Variants in KIAA1217 observed in about 807,000 individuals in gnomAD.
The protein encoded by KIAA1217 is KIAA1217, also known as sickle tail protein homolog.
A neutral mutation model predicts 163.9 loss-of-function variants in KIAA1217; 88 were observed. That is an observed-to-expected ratio of 0.54 (90% CI 0.45 to 0.64). The LOEUF (loss-of-function observed/expected upper bound fraction) is 0.64. Among genes scored for constraint, KIAA1217 ranks in the 30% least tolerant of loss-of-function variants. The pLI, the probability that KIAA1217 is intolerant of heterozygous loss-of-function variation, is 0.00. For missense variants in KIAA1217, 2,372 were observed against 2,475.0 expected (o/e 0.96, Z 0.88); for synonymous variants, 903 against 923.1 (o/e 0.98, Z 0.39).
At chr10:24,047,821 G>T (rs1457116911) in intron 2 of KIAA1217, among the ~76,000 whole-genome samples, 3 of 152,180 alleles carry the variant, frequency 2.0e-5, no homozygotes, top group African/African-American at 7.2e-5. Context: ...TCTGGACCCT[G>T]CTGATGACTG....
intron 2 of KIAA1217, among the ~76,000 whole-genome samples, chr10:24,246,450 C>G (rs2073815125): frequency 6.6e-6 from 1 of 152,142 alleles, no homozygotes; most frequent in Non-Finnish European, 1.5e-5. Context: ...ATTGCCCAAA[C>G]TTTTTCTCAA....
At chr10:23,838,964 C>A (rs1411513885) in intron 1 of KIAA1217, among the ~76,000 whole-genome samples, 1 of 152,012 alleles carries the variant, frequency 6.6e-6, no homozygotes, top group Non-Finnish European at 1.5e-5. Context: ...GATTTTTTCC[C>A]TTTCATATTT....
chr10:23,967,420 T>C (rs1025705488), intron 1 of KIAA1217, among the ~76,000 whole-genome samples: 4 of 152,182 alleles, frequency 2.6e-5, no homozygotes, highest in African/African-American at 9.6e-5. Context: ...AGGAAAAGCA[T>C]GAATTTCTTC....
At chr10:24,028,956 C>A (rs1848079088) in intron 2 of KIAA1217, among the ~76,000 whole-genome samples, 1 of 152,104 alleles carries the variant, frequency 6.6e-6, no homozygotes, top group African/African-American at 2.4e-5. Context: ...AGAAAGCAGG[C>A]TTTCAATGGG....
chr10:24,527,827 T>C, intron 13 of KIAA1217, 109 bp from the exon 14 acceptor site: 1 of 784,542 alleles, frequency 1.3e-6, no homozygotes. Flanking sequence ...ATTAGTTATT[T>C]TTCCTGATCC....
intron 2 of KIAA1217, among the ~76,000 whole-genome samples, chr10:24,323,051 G>A (rs1184962761): frequency 6.6e-6 from 1 of 151,990 alleles, no homozygotes; most frequent in African/African-American, 2.4e-5. Context: ...CCTGGGCTCA[G>A]CAATCTTCCC....
intron 2 of KIAA1217, among the ~76,000 whole-genome samples, chr10:24,303,915 A>C (rs897930413): frequency 6.6e-6 from 1 of 152,208 alleles, no homozygotes; most frequent in Non-Finnish European, 1.5e-5. Context: ...AAAGCAGAAA[A>C]AAAGACCATT....
intron 2 of KIAA1217, among the ~76,000 whole-genome samples, chr10:24,075,164 A>C (rs1017835627): frequency 2.3e-4 from 31 of 134,858 alleles, no homozygotes; most frequent in Non-Finnish European, 3.8e-4. Flanking sequence ...ACACACACAC[A>C]CCCCTTCCTC....
chr10:23,921,024 T>C (rs10764433), intron 1 of KIAA1217, among the ~76,000 whole-genome samples: 66,599 of 152,092 alleles, frequency 0.44, 18,180 homozygotes, highest in African/African-American at 0.78. Context: ...CCTCCCTAGC[T>C]ATGTGGAACT....
intron 2 of KIAA1217, among the ~76,000 whole-genome samples, chr10:24,201,598 C>T (rs1175695992): frequency 6.6e-6 from 1 of 152,154 alleles, no homozygotes; most frequent in Non-Finnish European, 1.5e-5. Flanking sequence ...CATGCCAGCA[C>T]CCCCTCTACC....
At position 23,790,305 on chromosome 10, in the gene KIAA1217, GCATATATA is replaced by G. The variant is rs1426328771; in HGVS notation, c.-321+95077_-321+95084del. ...TATGCACATATGCATATGCACATATGCATATATACATATGCACATATGCATATATGCAT... is the reference window on the plus strand; with the variant it reads ...TATGCACATATGCATATGCACATATGCATATGCACATATGCATATATGCAT... On this transcript the variant is annotated intron_variant, in intron 1 of 18. Transcript: ENST00000376462. 6.1e-5 allele frequency among the ~76,000 whole-genome samples: 7 copies of G among 114,164 alleles called. 1 individual carries two copies. The highest frequency in any genetic ancestry group is 2.6e-4 in the Admixed American group (3 of 11,442). 74.9% of individuals were successfully genotyped at this position (114,164 alleles called of 152,430 possible).
chr10:24,419,769 T>C (rs1206644855), intron 3 of KIAA1217, among the ~76,000 whole-genome samples: 2 of 152,044 alleles, frequency 1.3e-5, no homozygotes, highest in Non-Finnish European at 2.9e-5. Flanking sequence ...AGTTGGAGAG[T>C]GTAACTACCA....
intron 1 of KIAA1217, among the ~76,000 whole-genome samples, chr10:23,998,499 C>A (rs1290456649): frequency 6.6e-6 from 1 of 152,240 alleles, no homozygotes; most frequent in Non-Finnish European, 1.5e-5. Context: ...CATTGCCCGA[C>A]CTGGGGTGAT....
At chr10:24,003,176 G>A (rs1421414053) in intron 1 of KIAA1217, among the ~76,000 whole-genome samples, 1 of 152,068 alleles carries the variant, frequency 6.6e-6, no homozygotes, top group Admixed American at 6.5e-5. Flanking sequence ...ATACCTAGTA[G>A]TAGGATTGCT....
At chr10:24,218,680 G>A (rs775760177) in intron 1 of KIAA1217, among the ~76,000 whole-genome samples, 8 of 151,860 alleles carry the variant, frequency 5.3e-5, no homozygotes, top group Non-Finnish European at 7.4e-5. Context: ...CAGTAGAAAC[G>A]GGGTTTCACT....
chr10:23,875,672 A>T (rs1342695469), intron 1 of KIAA1217, among the ~76,000 whole-genome samples: 2 of 152,090 alleles, frequency 1.3e-5, no homozygotes, highest in African/African-American at 2.4e-5. Context: ...AGCACTATTC[A>T]CAATAGCAAA....
intron 1 of KIAA1217, among the ~76,000 whole-genome samples, chr10:23,814,962 T>C (rs914853820): frequency 4.6e-5 from 7 of 152,194 alleles, no homozygotes; most frequent in African/African-American, 1.7e-4. Context: ...CAGGATTTTA[T>C]GGCTCTGATA....
rs562644027 is a variant in KIAA1217 at position 24,445,686 on chromosome 10, C to T, written c.846+7207C>T. On this transcript the variant is annotated intron_variant, in intron 5 of 20. Transcript: ENST00000376454. ...GAGAATGATGGTTTCCAGCTTCATC[C>T]ATGTCCCTACAAAGGACATGAACTC... Among the ~76,000 whole-genome samples the T allele has an allele frequency of 1.0e-3, 154 of 151,902 alleles. 2 individuals carry two copies. Among genetic ancestry groups the T allele is most frequent in the African/African-American group, 3.6e-3 (147 of 41,386 alleles).
rs141380573 is a variant in KIAA1217, at chr10:23,775,763, G to A, written c.-321+80529G>A. Among the ~76,000 whole-genome samples, 1,111 of 152,158 alleles carry A rather than the reference G, an allele frequency of 7.3e-3. 19 individuals carry two copies. Among genetic ancestry groups the A allele is most frequent in the African/African-American group, 0.025 (1,018 of 41,506 alleles). On this transcript the variant is annotated intron_variant, in intron 1 of 18. Coordinates refer to the KIAA1217 transcript ENST00000376462. ...TTCTGGGTAATTAAATTCATTGTCC[G>A]GAGTATTGCATTAAAATGGGACAAA...
Sources: allele counts gnomAD v4.1 joint callset (sites outside exome capture counted in the v4.1 genomes callset), GRCh38; gene constraint gnomAD v4.1.1; transcripts MANE v1.5; gene names NCBI Gene and HGNC (gene_info 2026-07-23, HGNC 2026-07-21).